The following CDK14 variants were observed in gnomAD, a reference collection of about 807,000 sequenced individuals.
The protein encoded by CDK14 is cyclin dependent kinase 14.
A neutral mutation model predicts 60.7 loss-of-function variants in CDK14; 34 were observed. That is an observed-to-expected ratio of 0.56 (90% CI 0.43 to 0.75). The LOEUF is 0.75. Among genes scored for constraint, CDK14 ranks in the 30% least tolerant of loss-of-function variants. The pLI is 0.00. For synonymous variants in CDK14, 197 were observed against 203.7 expected, an observed-to-expected ratio of 0.97 and a Z score of 0.28; for missense variants, 482 against 564.1, an observed-to-expected ratio of 0.85 and a Z score of 1.47.
At chr7:90,605,456 C>T (rs1799397903) in intron 2 of CDK14, among the ~76,000 whole-genome samples, 1 of 152,178 alleles carries the variant, frequency 6.6e-6, no homozygotes, top group Admixed American at 6.5e-5. Context: ...TTTCTTCTTC[C>T]TTCATAGTGG....
intron 12 of CDK14, among the ~76,000 whole-genome samples, chr7:91,095,487 C>A (rs953273800): frequency 2.6e-5 from 4 of 152,070 alleles, no homozygotes; most frequent in African/African-American, 9.7e-5. Flanking sequence ...AGTATTTCTC[C>A]CAAGGAAATA....
intron 2 of CDK14, among the ~76,000 whole-genome samples, chr7:90,725,452 CTG>C (rs1407813504): frequency 1.3e-5 from 2 of 152,128 alleles, no homozygotes; most frequent in Non-Finnish European, 2.9e-5. Context: ...CATATTAGCT[CTG>C]TGTATCTGTG....
chr7:90,791,718 C>T (rs890080521), intron 5 of CDK14, among the ~76,000 whole-genome samples: 1 of 152,024 alleles, frequency 6.6e-6, no homozygotes, highest in Non-Finnish European at 1.5e-5. Flanking sequence ...TTATAAAGTT[C>T]ATCAGTCACT....
At chr7:90,921,678 G>C (rs1793257812) in intron 8 of CDK14, among the ~76,000 whole-genome samples, 1 of 152,090 alleles carries the variant, frequency 6.6e-6, no homozygotes, top group Non-Finnish European at 1.5e-5. Context: ...CCCCGAGAAT[G>C]AGAGACAGCG....
At chr7:91,189,426 G>A (rs1357551184) in intron 14 of CDK14, among the ~76,000 whole-genome samples, 1 of 152,138 alleles carries the variant, frequency 6.6e-6, no homozygotes, top group Non-Finnish European at 1.5e-5. Flanking sequence ...TCACCCTGCA[G>A]AAAATCTTGA....
At chr7:90,947,915 A>T (rs868511968) in intron 8 of CDK14, among the ~76,000 whole-genome samples, 1 of 152,196 alleles carries the variant, frequency 6.6e-6, no homozygotes, top group Non-Finnish European at 1.5e-5. Context: ...TATTTCTCTG[A>T]CATAAATCAC....
chr7:91,061,979 C>T (rs1797809047), intron 11 of CDK14, among the ~76,000 whole-genome samples: 1 of 152,224 alleles, frequency 6.6e-6, no homozygotes, highest in East Asian at 1.9e-4. Context: ...TTTTGTTTGG[C>T]TATGCCATGC....
chr7:90,745,395 C>A (rs1016963), intron 3 of CDK14, among the ~76,000 whole-genome samples: 68,562 of 152,018 alleles, frequency 0.45, 16,209 homozygotes, highest in East Asian at 0.82. Context: ...GCACCGATTA[C>A]AATCTATGAC....
chr7:91,189,241 T>C (rs943261131), intron 14 of CDK14, among the ~76,000 whole-genome samples: 22 of 152,196 alleles, frequency 1.4e-4, no homozygotes, highest in Admixed American at 5.2e-4. Flanking sequence ...AAGTGCCCAG[T>C]AAGTCTAGCT....
intron 7 of CDK14, among the ~76,000 whole-genome samples, chr7:90,900,694 A>G (rs545758426): frequency 1.3e-5 from 2 of 152,282 alleles, no homozygotes; most frequent in South Asian, 4.1e-4. Flanking sequence ...TCAGAAGTCT[A>G]CCAGCCACAG....
intron 8 of CDK14, among the ~76,000 whole-genome samples, chr7:90,936,719 C>T (rs1386139834): frequency 1.3e-5 from 2 of 152,170 alleles, no homozygotes; most frequent in Non-Finnish European, 2.9e-5. Flanking sequence ...TAATTAACTG[C>T]TCCCTGATTT....
Position 90,726,550 on chromosome 7 carries a change from AT to A in CDK14, c.124-14del. The A allele has an allele frequency of 6.2e-7, 1 of 1,611,164 alleles. No homozygotes were observed. The highest frequency in any genetic ancestry group is 8.5e-7 in the Non-Finnish European group (1 of 1,178,320). On this transcript the variant is annotated splice_polypyrimidine_tract_variant and intron_variant, in intron 2 of 14. Transcript: ENST00000380050. ...GTTGCAGTGAAGAGTTCTGAATTTA[AT>A]TTCTTCTTTTCTCAGATATGTGTCA...
intron 2 of CDK14, among the ~76,000 whole-genome samples, chr7:90,700,284 G>C (rs1378791079): frequency 6.6e-6 from 1 of 152,088 alleles, no homozygotes; most frequent in African/African-American, 2.4e-5. Context: ...AGTAGAGACG[G>C]GGTTTCACCA....
chr7:90,603,319 A>G (rs980714647), intron 1 of CDK14, among the ~76,000 whole-genome samples: 6 of 152,216 alleles, frequency 3.9e-5, no homozygotes, highest in Non-Finnish European at 5.9e-5. Flanking sequence ...ACAGTCACGC[A>G]TACTTGATGG....
chr7:91,117,002 T>C lies in CDK14; in HGVS notation c.1295-1063T>C, dbSNP rs190903001. The stretch of plus-strand genomic sequence containing the variant: ...TTAAATATCATCTATACACTGGCAG[T>C]TTTCAAATATCCATCTCCAGTCCTG... On this transcript the variant is annotated intron_variant, in intron 13 of 14. Transcript: ENST00000380050. Among the ~76,000 whole-genome samples, 708 of 149,890 alleles carry C rather than the reference T, an allele frequency of 4.7e-3. 8 individuals are homozygous for C. The highest frequency in any genetic ancestry group is 0.017 in the African/African-American group (678 of 40,580).
intron 14 of CDK14, among the ~76,000 whole-genome samples, chr7:91,150,487 A>G (rs1236975621): frequency 1.3e-5 from 2 of 152,092 alleles, no homozygotes; most frequent in Admixed American, 6.5e-5. Context: ...TTATGTTCTC[A>G]TTGTGTATGT....
At chr7:90,956,351 G>C (rs138543708) in intron 9 of CDK14, among the ~76,000 whole-genome samples, 2 of 152,024 alleles carry the variant, frequency 1.3e-5, no homozygotes, top group Admixed American at 1.3e-4. Flanking sequence ...AAATGCTTTA[G>C]CAAAGCTTAA....
intron 4 of CDK14, among the ~76,000 whole-genome samples, chr7:90,780,779 C>T (rs1805282933): frequency 6.6e-6 from 1 of 152,002 alleles, no homozygotes; most frequent in South Asian, 2.1e-4. Flanking sequence ...ATATGTGCCA[C>T]ATTTTCTTAA....
intron 14 of CDK14, among the ~76,000 whole-genome samples, chr7:91,149,317 C>T (rs1262589807): frequency 6.6e-6 from 1 of 151,650 alleles, no homozygotes; most frequent in Admixed American, 6.6e-5. Context: ...CAGCACGTTA[C>T]AGCCTATTTC....
Sources: gnomAD v4.1 joint callset for allele counts (sites outside exome capture counted in the v4.1 genomes callset) on GRCh38, gnomAD v4.1.1 for gene constraint, MANE v1.5 for transcripts, NCBI Gene and HGNC (gene_info 2026-07-23, HGNC 2026-07-21) for gene names.